The following PCDH9 variants were observed in gnomAD, a reference collection of about 807,000 sequenced individuals.
PCDH9 encodes protocadherin-9.
Under a neutral mutation model 70.6 loss-of-function variants are expected in PCDH9, and 24 were observed. That is an observed-to-expected ratio of 0.34 (90% confidence interval 0.25 to 0.48). The LOEUF (loss-of-function observed/expected upper bound fraction) is 0.48, where lower values mean the gene tolerates loss of function less well. PCDH9 is among the 20% of genes least tolerant of loss of function. PCDH9 has a pLI of 0.99. For synonymous variants in PCDH9, 562 were observed against 558.5 expected (o/e 1.01, Z -0.09); for missense variants, 1,281 against 1,503.6 (o/e 0.85, Z 2.45).
intron 4 of PCDH9, among the ~76,000 whole-genome samples, chr13:66,605,088 T>C (rs899895676): frequency 6.6e-6 from 1 of 152,080 alleles, no homozygotes; most frequent in Non-Finnish European, 1.5e-5. Context: ...GTAACATTCA[T>C]TACTAGAAGG....
intron 4 of PCDH9, among the ~76,000 whole-genome samples, chr13:66,414,809 G>GCCC (rs1439068092): frequency 6.6e-6 from 1 of 151,802 alleles, no homozygotes; most frequent in Non-Finnish European, 1.5e-5. Context: ...TTTTTATTTT[G>GCCC]CCCCCCAGAA....
At chr13:66,712,114 G>A (rs1182311104) in intron 3 of PCDH9, among the ~76,000 whole-genome samples, 1 of 151,998 alleles carries the variant, frequency 6.6e-6, no homozygotes, top group Admixed American at 6.6e-5. Flanking sequence ...AATTAGATGT[G>A]GAATAATATT....
At chr13:66,787,614 T>C (rs999266634) in intron 3 of PCDH9, among the ~76,000 whole-genome samples, 1 of 151,604 alleles carries the variant, frequency 6.6e-6, no homozygotes, top group East Asian at 1.9e-4. Context: ...ATACTCTGTC[T>C]CAAAAAAAAA....
At chr13:66,465,304 A>T (rs755159759) in intron 4 of PCDH9, among the ~76,000 whole-genome samples, 1 of 151,928 alleles carries the variant, frequency 6.6e-6, no homozygotes, top group Non-Finnish European at 1.5e-5. Flanking sequence ...CCAGAAATTT[A>T]CATATAGAAA....
chr13:66,707,714 G>T (rs1242228783), intron 3 of PCDH9, among the ~76,000 whole-genome samples: 1 of 152,136 alleles, frequency 6.6e-6, no homozygotes, highest in Non-Finnish European at 1.5e-5. Context: ...TATCTTTTGT[G>T]TACAAGGAAA....
intron 4 of PCDH9, among the ~76,000 whole-genome samples, chr13:66,503,986 G>A (rs868824636): frequency 4.6e-5 from 7 of 152,176 alleles, no homozygotes; most frequent in African/African-American, 1.7e-4. Flanking sequence ...TCGTAACTAC[G>A]TGTCCAACTT....
intron 2 of PCDH9, among the ~76,000 whole-genome samples, chr13:67,007,355 A>AT (rs1290295725): frequency 2.6e-4 from 39 of 152,322 alleles, no homozygotes; most frequent in African/African-American, 8.4e-4. Context: ...GAAGATAGTA[A>AT]ATCTGTTAAT....
intron 2 of PCDH9, chr13:67,201,793 G>A (rs889043516): frequency 5.3e-5 from 8 of 151,842 alleles, no homozygotes; most frequent in South Asian, 2.1e-4. Flanking sequence ...AATGCTTTGT[G>A]TAGTGCCTAA....
At chr13:66,874,605 A>G (rs756780558) in intron 3 of PCDH9, among the ~76,000 whole-genome samples, 2 of 152,148 alleles carry the variant, frequency 1.3e-5, no homozygotes, top group Non-Finnish European at 2.9e-5. Context: ...ACACAGTAAC[A>G]ATTATATTAC....
chr13:66,877,629 A>G (rs1445724939), intron 3 of PCDH9, among the ~76,000 whole-genome samples: 6 of 152,186 alleles, frequency 3.9e-5, no homozygotes, highest in Non-Finnish European at 8.8e-5. Context: ...CCTTTTTACT[A>G]CAATTTTTCC....
chr13:67,130,610 C>A (rs2087089652), intron 2 of PCDH9, among the ~76,000 whole-genome samples: 1 of 152,124 alleles, frequency 6.6e-6, no homozygotes, highest in African/African-American at 2.4e-5. Context: ...CCTATTATAT[C>A]TTGCTGGACA....
intron 3 of PCDH9, among the ~76,000 whole-genome samples, chr13:66,787,949 CT>C (rs1458724531): frequency 6.6e-6 from 1 of 152,020 alleles, no homozygotes; most frequent in Non-Finnish European, 1.5e-5. Flanking sequence ...AATATACAAC[CT>C]TTTTGTACCC....
intron 2 of PCDH9, among the ~76,000 whole-genome samples, chr13:66,921,595 T>C (rs574964008): frequency 6.6e-6 from 1 of 151,420 alleles, no homozygotes; most frequent in African/African-American, 2.4e-5. Context: ...CACACATATG[T>C]CATGAATATA....
In PCDH9 at chr13:66,972,052, T is replaced by G. The variant is rs528154726; in HGVS notation, c.3037-68447A>C. ...ACATTCTTAACACCAAGGAAGAAAATTAAGTTGGGCCATGATAACTGTTTG... is the reference window on the plus strand; with the variant it reads ...ACATTCTTAACACCAAGGAAGAAAAGTAAGTTGGGCCATGATAACTGTTTG... On this transcript the variant is annotated intron_variant, in intron 2 of 4. Coordinates refer to ENST00000377865, the MANE Select transcript of PCDH9 (RefSeq NM_203487.3). 3.9e-5 allele frequency among the ~76,000 whole-genome samples: 6 copies of G among 151,904 alleles called. No individual in the cohort carries two copies. In the East Asian group the frequency reaches 9.7e-4, roughly 25 times the overall value.
At chr13:66,982,799 T>A (rs1189262780) in intron 2 of PCDH9, among the ~76,000 whole-genome samples, 1 of 152,220 alleles carries the variant, frequency 6.6e-6, no homozygotes, top group Non-Finnish European at 1.5e-5. Context: ...TGGCAACATT[T>A]GTTTCTTAAT....
chr13:66,548,045 G>A lies in PCDH9; in HGVS notation c.3340+83165C>T, dbSNP rs554904386. 1.9e-4 allele frequency among the ~76,000 whole-genome samples: 28 copies of A among 150,670 alleles called. 1 individual carries two copies. Among genetic ancestry groups the A allele is most frequent in the African/African-American group, 5.9e-4 (24 of 40,834 alleles). On this transcript the variant is annotated intron_variant, in intron 4 of 4. Transcript: ENST00000377865. ...TGTATGTATGTATGTTTGTGTTTTCGTGCCCATCTTTTCATTACCTTAACT... is the reference window on the plus strand; with the variant it reads ...TGTATGTATGTATGTTTGTGTTTTCATGCCCATCTTTTCATTACCTTAACT...
At chr13:67,039,354 T>G (rs1243517277) in intron 2 of PCDH9, among the ~76,000 whole-genome samples, 1 of 152,166 alleles carries the variant, frequency 6.6e-6, no homozygotes, top group Non-Finnish European at 1.5e-5. Context: ...AATGGCAAGA[T>G]GTAGAATCCA....
chr13:66,604,743 C>A (rs1566450276), intron 4 of PCDH9, among the ~76,000 whole-genome samples: 2 of 152,032 alleles, frequency 1.3e-5, no homozygotes, highest in Admixed American at 6.6e-5. Context: ...TCATAAATAT[C>A]TTTTCAACGC....
chr13:67,156,495 T>G (rs1200090420), intron 2 of PCDH9, among the ~76,000 whole-genome samples: 1 of 151,856 alleles, frequency 6.6e-6, no homozygotes, highest in Non-Finnish European at 1.5e-5. Context: ...AGGCGGAGTT[T>G]GGTGGGGGCA....
Sources: gnomAD v4.1 joint callset for allele counts (sites outside exome capture counted in the v4.1 genomes callset) on GRCh38, gnomAD v4.1.1 for gene constraint, MANE v1.5 for transcripts, NCBI Gene and HGNC (gene_info 2026-07-23, HGNC 2026-07-21) for gene names.